Variants in TRIO observed in about 807,000 individuals in gnomAD.
TRIO encodes trio Rho guanine nucleotide exchange factor.
A neutral mutation model predicts 351.9 loss-of-function variants in TRIO; 58 were observed. That is an observed-to-expected ratio of 0.16 (90% CI 0.13 to 0.21). TRIO has a LOEUF of 0.21. TRIO is among the 10% of genes least tolerant of loss of function. The pLI is 1.00. For synonymous variants in TRIO, 1,758 were observed against 1,595.7 expected (o/e 1.10, Z -2.42); for missense variants, 3,201 against 4,027.8 (o/e 0.79, Z 5.56).
chr5:14,461,883 A>T (rs1172429190), intron 35 of TRIO, among the ~76,000 whole-genome samples: 1 of 152,256 alleles, frequency 6.6e-6, no homozygotes, highest in Admixed American at 6.5e-5. Flanking sequence ...ACATTGGGTT[A>T]TTCCCATGTC....
chr5:14,145,532 TAG>T (rs1176974383), intron 1 of TRIO, among the ~76,000 whole-genome samples: 6 of 151,054 alleles, frequency 4.0e-5, no homozygotes, highest in African/African-American at 1.2e-4. Context: ...ACTGGCCAGA[TAG>T]AGCAGCCCCG....
At chr5:14,157,679 C>G (rs1040999319) in intron 1 of TRIO, among the ~76,000 whole-genome samples, 2 of 152,138 alleles carry the variant, frequency 1.3e-5, no homozygotes, top group African/African-American at 4.8e-5. Flanking sequence ...CCTCCATCTT[C>G]TGGGCTCAAG....
intron 21 of TRIO, among the ~76,000 whole-genome samples, chr5:14,382,125 T>C (rs1746159300): frequency 1.3e-5 from 2 of 152,192 alleles, no homozygotes; most frequent in African/African-American, 4.8e-5. Flanking sequence ...CTGACAATTA[T>C]TTCAAATGTA....
chr5:14,473,406 C>T (rs1429800293), intron 39 of TRIO, among the ~76,000 whole-genome samples: 2 of 152,186 alleles, frequency 1.3e-5, no homozygotes, highest in Non-Finnish European at 1.5e-5. Flanking sequence ...TTGCATAACA[C>T]AAAAGATTTA....
intron 11 of TRIO, among the ~76,000 whole-genome samples, chr5:14,345,496 C>T (rs900557484): frequency 1.3e-5 from 2 of 152,190 alleles, no homozygotes; most frequent in Admixed American, 6.5e-5. Context: ...TGAGGCACTT[C>T]AACACAAGGT....
chr5:14,157,761 CT>C (rs960241460), intron 1 of TRIO, among the ~76,000 whole-genome samples: 1 of 151,676 alleles, frequency 6.6e-6, no homozygotes, highest in African/African-American at 2.4e-5. Context: ...ATTTTTGTAT[CT>C]TTTTTTGTAG....
At chr5:14,350,020 T>C (rs1742907813) in intron 11 of TRIO, among the ~76,000 whole-genome samples, 1 of 152,230 alleles carries the variant, frequency 6.6e-6, no homozygotes, top group Non-Finnish European at 1.5e-5. Flanking sequence ...GATAACGGCC[T>C]CCAGCTCTGT....
At chr5:14,388,526 C>T (rs1746750604) in intron 23 of TRIO, 87 bp from the exon 24 acceptor site, 2 of 1,282,274 alleles carry the variant, frequency 1.6e-6, no homozygotes, top group Admixed American at 2.0e-5. Flanking sequence ...CTTTTAGACC[C>T]ACTCTGTTAT....
chr5:14,389,540 C>G, intron 25 of TRIO, 142 bp downstream of exon 25: 1 of 573,462 alleles, frequency 1.7e-6, no homozygotes, highest in Non-Finnish European at 3.0e-6. Context: ...AGTCTTTCTC[C>G]AAAAAGACTG....
chr5:14,370,323 G>T (rs1744989233), intron 18 of TRIO, among the ~76,000 whole-genome samples: 1 of 152,014 alleles, frequency 6.6e-6, no homozygotes, highest in Non-Finnish European at 1.5e-5. Flanking sequence ...TCACAGACGT[G>T]CTTTGGAACA....
intron 34 of TRIO, among the ~76,000 whole-genome samples, chr5:14,450,058 TA>T (rs1288693639): frequency 2.6e-5 from 4 of 152,208 alleles, no homozygotes; most frequent in Non-Finnish European, 5.9e-5. Flanking sequence ...TTCCAATGCT[TA>T]TGTAATGTTT....
chr5:14,493,059 C>T (rs770337291), intron 49 of TRIO, among the ~76,000 whole-genome samples: 8 of 152,050 alleles, frequency 5.3e-5, no homozygotes, highest in Non-Finnish European at 7.4e-5. Flanking sequence ...TTGAGGAATC[C>T]CATTTGACAT....
At chr5:14,409,795 A>G (rs1345926449) in intron 33 of TRIO, among the ~76,000 whole-genome samples, 3 of 147,498 alleles carry the variant, frequency 2.0e-5, no homozygotes, top group Admixed American at 1.4e-4. Context: ...AGATCAGGCC[A>G]CTGCACTCCC....
chr5:14,265,847 A>G (rs796351822), intron 1 of TRIO, among the ~76,000 whole-genome samples: 1 of 152,326 alleles, frequency 6.6e-6, no homozygotes, highest in African/African-American at 2.4e-5. Context: ...ATTCCTTGTT[A>G]GGGCAGAGAG....
intron 11 of TRIO, among the ~76,000 whole-genome samples, chr5:14,352,362 A>G (rs1348300467): frequency 2.0e-5 from 3 of 152,052 alleles, no homozygotes; most frequent in African/African-American, 7.2e-5. Context: ...ATAGGACACA[A>G]CTCTCTTGCT....
rs145785875 is a variant in TRIO at position 14,294,890 on chromosome 5, A to G, written c.1176+1756A>G. 2.0e-5 allele frequency among the ~76,000 whole-genome samples: 3 copies of G among 152,368 alleles called. No homozygotes were observed. The East Asian group carries it at 5.8e-4, about 29-fold the overall frequency. On this transcript the variant is annotated intron_variant, in intron 6 of 56. Coordinates refer to ENST00000344204, the MANE Select transcript of TRIO (RefSeq NM_007118.4). ...AATTAAAGATGCAGTTAAAGCAGGT[A>G]AGAAACTTAAAAGTATGAGTTACAG...
At position 14,481,244 on chromosome 5, in the gene TRIO, A is replaced by G. The variant is rs1407899441; in HGVS notation, c.6347A>G (p.Lys2116Arg). The stretch of plus-strand genomic sequence containing the variant: ...CCATTTCCCTTGCAGGACTTCCTCA[A>G]GTATTCCAAAAAGGCCAGCCTGGAT... ...KYQLLLKDFL[K>R]YSKKASLDTS... The change falls in exon 44 of 57, where the codon AAG (lysine) becomes AGG (arginine). Residue 2116 changes from lysine to arginine, a missense_variant. This residue lies in a region of TRIO where 307 missense variants were observed against 396.5 expected (regional missense o/e 0.77). Transcript: ENST00000344204. The G allele has an allele frequency of 6.8e-6, 11 of 1,613,880 alleles. No individual in the cohort carries two copies. The highest frequency in any genetic ancestry group is 1.3e-5 in the African/African-American group (1 of 74,910).
intron 1 of TRIO, among the ~76,000 whole-genome samples, chr5:14,245,455 G>A (rs1192868756): frequency 1.3e-5 from 2 of 152,188 alleles, no homozygotes; most frequent in Non-Finnish European, 2.9e-5. Context: ...TCCACTTGTA[G>A]ATGAAGAAAA....
At chr5:14,454,165 G>A (rs945292181) in intron 34 of TRIO, among the ~76,000 whole-genome samples, 1 of 152,172 alleles carries the variant, frequency 6.6e-6, no homozygotes, top group Non-Finnish European at 1.5e-5. Flanking sequence ...CTGACCTCAA[G>A]TGATCCACCT....
Sources: gnomAD v4.1 joint callset for allele counts (sites outside exome capture counted in the v4.1 genomes callset) on GRCh38, gnomAD v4.1.1 for gene constraint, gnomAD v4.1.1 regional missense constraint, MANE v1.5 for transcripts, NCBI Gene and HGNC (gene_info 2026-07-23, HGNC 2026-07-21) for gene names.